Variants in HVCN1 observed in about 807,000 individuals in gnomAD.
The protein encoded by HVCN1 is hydrogen voltage gated channel 1.
Under a neutral mutation model 29.2 loss-of-function variants are expected in HVCN1, and 14 were observed. That is an observed-to-expected ratio of 0.48 (90% CI 0.32 to 0.75). The LOEUF (loss-of-function observed/expected upper bound fraction) is 0.75. Ranked by LOEUF, HVCN1 falls within the 30% of genes least tolerant of loss-of-function variation. HVCN1 has a pLI of 0.04. For missense variants in HVCN1, 263 were observed against 341.8 expected, an observed-to-expected ratio of 0.77 and a Z score of 1.82; for synonymous variants, 131 against 133.2, an observed-to-expected ratio of 0.98 and a Z score of 0.11.
intron 3 of HVCN1, among the ~76,000 whole-genome samples, chr12:110,670,707 G>A (rs143712147): frequency 5.3e-5 from 8 of 152,248 alleles, no homozygotes; most frequent in African/African-American, 9.6e-5. Context: ...GCCAGTGACC[G>A]GAGAGCCACC....
intron 2 of HVCN1, among the ~76,000 whole-genome samples, chr12:110,695,946 C>T (rs1172485896): frequency 1.4e-5 from 2 of 147,766 alleles, no homozygotes; most frequent in South Asian, 2.1e-4. Flanking sequence ...GGGGAGGGAT[C>T]GTTTGATTTT....
intron 3 of HVCN1, among the ~76,000 whole-genome samples, chr12:110,671,905 A>G (rs1043602581): frequency 6.6e-6 from 1 of 152,196 alleles, no homozygotes; most frequent in Non-Finnish European, 1.5e-5. Context: ...TGGGGAGGCG[A>G]GACCACTTGC....
chr12:110,668,747 TC>T (rs1456408578), intron 3 of HVCN1, among the ~76,000 whole-genome samples: 1 of 152,178 alleles, frequency 6.6e-6, no homozygotes, highest in African/African-American at 2.4e-5. Context: ...CATGCAAGAA[TC>T]CTTGCTGTCC....
intron 3 of HVCN1, among the ~76,000 whole-genome samples, chr12:110,681,945 GA>G (rs2068994030): frequency 1.3e-5 from 2 of 152,198 alleles, no homozygotes; most frequent in South Asian, 4.2e-4. Flanking sequence ...TAAGGTACAG[GA>G]GGAAAGCATT....
rs763287906 is a variant in HVCN1, at chr12:110,661,175, G to A, written c.295C>T (p.His99Tyr). Residue 99 changes from histidine (H) to tyrosine (Y), a missense_variant, in exon 4 of 8, where the codon CAC becomes TAC. Around this residue, in one of 3 missense-constraint regions of HVCN1, gnomAD observed 157 missense variants for 181.3 expected, o/e 0.87. Transcript: ENST00000242607. This position sits in a 1 kb window ranked among gnomAD's most constrained non-coding sequence, Gnocchi z 6.2. ...RGMLRKLFSS[H>Y]RFQVIIICLV... is the part of the protein sequence containing the mutation. ...CCTGCCCCACCTACCTGAAACCTGT[G>A]GGAGCTGAACAGTTTCCTCAACATG... 3.7e-6 allele frequency: 6 copies of A among 1,602,504 alleles called. No homozygotes were observed. In the South Asian group the frequency reaches 6.7e-5, roughly 18 times the overall value.
intron 2 of HVCN1, among the ~76,000 whole-genome samples, chr12:110,699,713 G>T (rs558878547): frequency 3.3e-5 from 5 of 152,224 alleles, no homozygotes; most frequent in Admixed American, 2.6e-4. Flanking sequence ...TCTCCTGGCC[G>T]TGTGCCAGGC....
chr12:110,687,967 C>G (rs2069259032), intron 2 of HVCN1: 1 of 152,344 alleles, frequency 6.6e-6, no homozygotes, highest in African/African-American at 2.4e-5. Context: ...AAGTTGCCAC[C>G]CCCTCACCTT....
intron 3 of HVCN1, among the ~76,000 whole-genome samples, chr12:110,673,747 C>A (rs900266447): frequency 1.3e-5 from 2 of 152,202 alleles, no homozygotes; most frequent in Admixed American, 6.5e-5. Context: ...TGGTGTTGAG[C>A]CTGCAGGTGC....
At chr12:110,653,429 A>C (rs2067879226) in intron 5 of HVCN1, among the ~76,000 whole-genome samples, 1 of 152,178 alleles carries the variant, frequency 6.6e-6, no homozygotes, top group African/African-American at 2.4e-5. Flanking sequence ...CCTGCACTCC[A>C]GCCTGGGTGA....
At chr12:110,699,801 G>A (rs1407927445) in intron 2 of HVCN1, among the ~76,000 whole-genome samples, 1 of 152,150 alleles carries the variant, frequency 6.6e-6, no homozygotes, top group Non-Finnish European at 1.5e-5. Flanking sequence ...GATGAGTTAG[G>A]ATTATGTTCT....
At chr12:110,680,332 GCTGTCT>G (rs1243040056) in intron 3 of HVCN1, among the ~76,000 whole-genome samples, 1 of 151,936 alleles carries the variant, frequency 6.6e-6, no homozygotes, top group Non-Finnish European at 1.5e-5. Flanking sequence ...TACTTCCCTT[GCTGTCT>G]CTGTGCCCTG....
At chr12:110,672,509 G>A (rs766857975) in intron 3 of HVCN1, among the ~76,000 whole-genome samples, 8 of 152,198 alleles carry the variant, frequency 5.3e-5, no homozygotes, top group Non-Finnish European at 1.2e-4. Flanking sequence ...ACGATTATGG[G>A]AAAACTGACA....
rs546503395 is a variant in HVCN1, at chr12:110,661,721, G to A, written c.22-273C>T. Among the ~76,000 whole-genome samples the A allele has an allele frequency of 3.3e-5, 5 of 152,294 alleles. No homozygotes were observed. Among genetic ancestry groups the A allele is most frequent in the African/African-American group, 7.2e-5 (3 of 41,570 alleles). ...ACCAACGGAATCAGTACTGCAGCCC[G>A]GTCCCAAAACACCCGCCACGGGCCC... On this transcript the variant is annotated intron_variant, in intron 3 of 7. Coordinates refer to ENST00000242607, the MANE Select transcript of HVCN1 (RefSeq NM_032369.4). The surrounding 1 kb of genome is among the most constrained non-coding windows in gnomAD (Gnocchi z 6.2).
Position 110,648,696 on chromosome 12 carries a change from T to C in HVCN1, c.*714A>G. ...TGGAGTCTTGGGTCTAATTGCCATT[T>C]CTGCACCAGGCACTGTAGCTAGCTT... On this transcript the variant is annotated 3_prime_UTR_variant, in exon 8 of 8. Transcript: ENST00000242607. The C allele has an allele frequency of 4.4e-6, 1 of 225,304 alleles. No homozygotes were observed. Among genetic ancestry groups the C allele is most frequent in the Non-Finnish European group, 8.7e-6 (1 of 114,676 alleles). The allele number at this position is 225,304 out of a possible 1,614,324, so 14.0% of individuals were successfully genotyped here. A position where few individuals can be genotyped will look rare whatever the true frequency, so the allele number is the denominator to read the frequency against.
rs193230029 is a variant in HVCN1 at position 110,672,210 on chromosome 12, A to G, written c.22-10762T>C. On this transcript the variant is annotated intron_variant, in intron 3 of 7. Transcript: ENST00000242607. ...GTGCAGCCGCAAACTCCTGGGCTCA[A>G]GCAATCCTCCCGCCTCAGCCTCCCA... Among the ~76,000 whole-genome samples the G allele has an allele frequency of 2.3e-4, 35 of 152,262 alleles. No individual in the cohort carries two copies. The East Asian group carries it at 4.4e-3, about 19-fold the overall frequency.
intron 3 of HVCN1, among the ~76,000 whole-genome samples, chr12:110,678,682 C>A (rs1179285560): frequency 1.3e-5 from 2 of 152,028 alleles, no homozygotes; most frequent in South Asian, 2.1e-4. Flanking sequence ...AAACTCCTGA[C>A]CTCAAGTGAT....
intron 2 of HVCN1, among the ~76,000 whole-genome samples, chr12:110,698,429 C>T (rs1377844731): frequency 2.0e-5 from 3 of 152,172 alleles, no homozygotes; most frequent in Admixed American, 6.5e-5. Context: ...CTCCTTGTTC[C>T]ACCTGCTGGT....
Position 110,676,821 on chromosome 12 carries a change from G to T in HVCN1, c.21+6404C>A, listed in dbSNP as rs1312432848. ...AATCCTTTTGTGGCAATTAATCTGA[G>T]CCAGGAGCACATCTGCATGCGAGTC... On this transcript the variant is annotated intron_variant, in intron 3 of 7. Transcript: ENST00000242607. This position sits in a 1 kb window ranked among gnomAD's most constrained non-coding sequence, Gnocchi z 4.1. Among the ~76,000 whole-genome samples the T allele has an allele frequency of 2.0e-5, 3 of 152,054 alleles. No individual in the cohort carries two copies. Among genetic ancestry groups the T allele is most frequent in the Non-Finnish European group, 4.4e-5 (3 of 68,044 alleles).
chr12:110,659,202 A>T (rs1376232941), intron 4 of HVCN1, among the ~76,000 whole-genome samples: 2 of 150,656 alleles, frequency 1.3e-5, no homozygotes, highest in African/African-American at 2.4e-5. Flanking sequence ...GACCAAAATA[A>T]TTTTTTTTTT....
Sources: allele counts gnomAD v4.1 joint callset (sites outside exome capture counted in the v4.1 genomes callset), GRCh38; gene constraint gnomAD v4.1.1; regional missense constraint gnomAD v4.1.1; non-coding constraint Gnocchi (gnomAD v3.1); transcripts MANE v1.5; gene names NCBI Gene and HGNC (gene_info 2026-07-23, HGNC 2026-07-21).